Variants in ATP8A2 observed in about 807,000 individuals in gnomAD.
ATP8A2 encodes the protein ATPase phospholipid transporting 8A2, also known as phospholipid-transporting ATPase IB.
In ATP8A2, 100 loss-of-function variants were observed where a neutral mutation model predicts 165.6. The ratio of observed to expected loss-of-function variants is 0.60; its 90% CI spans 0.51 to 0.71. ATP8A2 has a LOEUF of 0.71. ATP8A2 is among the 30% of genes least tolerant of loss of function. The pLI, the probability that ATP8A2 is intolerant of heterozygous loss-of-function variation, is 0.00. For synonymous variants in ATP8A2, 543 were observed against 548.8 expected (o/e 0.99, Z 0.15); for missense variants, 1,227 against 1,479.5 (o/e 0.83, Z 2.80).
At chr13:25,632,837 C>G (rs1167777108) in intron 24 of ATP8A2, among the ~76,000 whole-genome samples, 1 of 152,146 alleles carries the variant, frequency 6.6e-6, no homozygotes, top group Non-Finnish European at 1.5e-5. Flanking sequence ...GGAAGCTGCC[C>G]TCTTGCGTGG....
intron 27 of ATP8A2, among the ~76,000 whole-genome samples, chr13:25,787,651 A>C (rs1384882019): frequency 2.6e-5 from 4 of 152,154 alleles, no homozygotes; most frequent in Non-Finnish European, 5.9e-5. Flanking sequence ...CTTTGGTTAC[A>C]TGTGGGAAAA....
chr13:25,522,955 C>T (rs1172153743), intron 2 of ATP8A2, among the ~76,000 whole-genome samples: 2 of 152,028 alleles, frequency 1.3e-5, no homozygotes, highest in African/African-American at 4.8e-5. Flanking sequence ...GAAACCCCAT[C>T]TCTACTAAAA....
At chr13:25,854,745 G>A (rs1032206506) in intron 30 of ATP8A2, among the ~76,000 whole-genome samples, 5 of 152,150 alleles carry the variant, frequency 3.3e-5, no homozygotes, top group Non-Finnish European at 5.9e-5. Context: ...CAATACAGTC[G>A]CCATTAGCCA....
intron 25 of ATP8A2, among the ~76,000 whole-genome samples, chr13:25,704,505 T>TA (rs2043016463): frequency 6.6e-6 from 1 of 152,084 alleles, no homozygotes; most frequent in Non-Finnish European, 1.5e-5. Context: ...GGCTAATTTT[T>TA]AAAATTTTTT....
At chr13:25,710,641 A>G (rs1311218417) in intron 25 of ATP8A2, among the ~76,000 whole-genome samples, 1 of 152,172 alleles carries the variant, frequency 6.6e-6, no homozygotes, top group Non-Finnish European at 1.5e-5. Flanking sequence ...GGGAGTACCT[A>G]CTGTTTAAGG....
chr13:25,916,024 C>T (rs1954259051), intron 33 of ATP8A2, among the ~76,000 whole-genome samples: 1 of 152,224 alleles, frequency 6.6e-6, no homozygotes, highest in African/African-American at 2.4e-5. Flanking sequence ...AGTGCAGTCT[C>T]AATCCTATTC....
At chr13:25,568,307 T>C (rs2039374239) in intron 16 of ATP8A2, among the ~76,000 whole-genome samples, 1 of 152,240 alleles carries the variant, frequency 6.6e-6, no homozygotes, top group Non-Finnish European at 1.5e-5. Flanking sequence ...TTTTGAATCA[T>C]TATGCCTAAG....
chr13:25,913,102 T>G (rs1369685400), intron 33 of ATP8A2, among the ~76,000 whole-genome samples: 1 of 152,232 alleles, frequency 6.6e-6, no homozygotes, highest in Non-Finnish European at 1.5e-5. Flanking sequence ...TGATCTCATG[T>G]TATTCCATAC....
chr13:25,721,757 A>G (rs1430145530), intron 25 of ATP8A2, among the ~76,000 whole-genome samples: 1 of 152,206 alleles, frequency 6.6e-6, no homozygotes, highest in Admixed American at 6.5e-5. Flanking sequence ...GTTCATCCAC[A>G]TCCATGTATG....
intron 24 of ATP8A2, among the ~76,000 whole-genome samples, chr13:25,680,511 T>C (rs185720148): frequency 1.3e-5 from 2 of 152,264 alleles, no homozygotes; most frequent in Admixed American, 1.3e-4. Flanking sequence ...TTGTGGTACT[T>C]GGTTGTTGCA....
At chr13:25,375,041 A>G (rs114511178) in intron 1 of ATP8A2, among the ~76,000 whole-genome samples, 1,700 of 152,182 alleles carry the variant, frequency 0.011, 38 homozygotes, top group African/African-American at 0.039. Flanking sequence ...TTGCACTTTG[A>G]TCAGTTTTAG....
At chr13:25,428,863 G>A (rs1309408023) in intron 1 of ATP8A2, among the ~76,000 whole-genome samples, 4 of 152,146 alleles carry the variant, frequency 2.6e-5, no homozygotes, top group African/African-American at 4.8e-5. Context: ...GAGGCGTGAT[G>A]GCCTCTGTCC....
chr13:25,691,962 A>G (rs1306885814), intron 24 of ATP8A2, among the ~76,000 whole-genome samples: 1 of 152,214 alleles, frequency 6.6e-6, no homozygotes, highest in Non-Finnish European at 1.5e-5. Flanking sequence ...AGTGCTGTCA[A>G]GAAAGAGGTG....
intron 2 of ATP8A2, among the ~76,000 whole-genome samples, chr13:25,486,520 G>C (rs2036358140): frequency 6.6e-6 from 1 of 152,052 alleles, no homozygotes; most frequent in Non-Finnish European, 1.5e-5. Context: ...TTGATATTTT[G>C]AGATACAACC....
chr13:25,965,405 ATC>A (rs1173177490), intron 34 of ATP8A2, among the ~76,000 whole-genome samples: 1 of 152,196 alleles, frequency 6.6e-6, no homozygotes, highest in Non-Finnish European at 1.5e-5. Context: ...TTATTAGACT[ATC>A]TTAAGTCAGA....
intron 25 of ATP8A2, among the ~76,000 whole-genome samples, chr13:25,759,970 G>A (rs2044346589): frequency 1.3e-5 from 2 of 152,108 alleles, no homozygotes; most frequent in Admixed American, 6.5e-5. Context: ...TGTCACAGAC[G>A]CAAGTACCGA....
chr13:25,858,951 T>A (rs1464895401), intron 30 of ATP8A2, among the ~76,000 whole-genome samples: 5 of 152,054 alleles, frequency 3.3e-5, no homozygotes, highest in African/African-American at 1.2e-4. Context: ...ACGCCTGTAA[T>A]CCCAGCACTT....
intron 28 of ATP8A2, among the ~76,000 whole-genome samples, chr13:25,832,887 C>T (rs976524826): frequency 6.6e-6 from 1 of 152,092 alleles, no homozygotes; most frequent in African/African-American, 2.4e-5. Flanking sequence ...AATTTCTGTA[C>T]GTATACACAT....
chr13:25,692,828 A>G (rs2042754776), intron 24 of ATP8A2, among the ~76,000 whole-genome samples: 1 of 152,234 alleles, frequency 6.6e-6, no homozygotes, highest in Admixed American at 6.5e-5. Flanking sequence ...ACTGGGGAAA[A>G]AGGTAGGGGA....
Sources: allele counts gnomAD v4.1 joint callset (sites outside exome capture counted in the v4.1 genomes callset), GRCh38; gene constraint gnomAD v4.1.1; transcripts MANE v1.5; gene names NCBI Gene and HGNC (gene_info 2026-07-23, HGNC 2026-07-21).